The following SLC16A14 variants were observed in gnomAD, a reference collection of about 807,000 sequenced individuals.
The protein encoded by SLC16A14 is monocarboxylate transporter 14.
Under a neutral mutation model 35.8 loss-of-function variants are expected in SLC16A14, and 14 were observed. The ratio of observed to expected loss-of-function variants is 0.39; its 90% CI spans 0.26 to 0.61. SLC16A14 has a LOEUF of 0.61. Ranked by LOEUF, SLC16A14 falls within the 20% of genes least tolerant of loss-of-function variation. The pLI is 0.51. For missense variants in SLC16A14, 533 were observed against 655.0 expected (o/e 0.81, Z 2.03); for synonymous variants, 248 against 258.9 (o/e 0.96, Z 0.40).
chr2:230,057,489 C>A lies in SLC16A14; in HGVS notation c.259+1605G>T, dbSNP rs992486966. Among the ~76,000 whole-genome samples, 8 of 152,160 alleles carry A rather than the reference C, an allele frequency of 5.3e-5. No individual in the cohort carries two copies. The East Asian group carries it at 1.5e-3, about 29-fold the overall frequency. On this transcript the variant is annotated intron_variant, in intron 2 of 4. Coordinates refer to ENST00000295190, the MANE Select transcript of SLC16A14 (RefSeq NM_152527.5). ...AATTTTTTAAAAAAAGAAAATGCAG[C>A]CAGATGCAGTGGCTCAGGCCTGTAA... is the stretch of plus-strand genomic sequence containing the variant.
chr2:230,067,341 T>C (rs2077807183), intron 1 of SLC16A14: 4 of 152,384 alleles, frequency 2.6e-5, no homozygotes, highest in Admixed American at 6.5e-5. Context: ...CTGTGCTTGG[T>C]GGCTTCTCCT....
intron 4 of SLC16A14, among the ~76,000 whole-genome samples, chr2:230,044,531 G>A (rs1224261761): frequency 2.0e-5 from 3 of 151,666 alleles, no homozygotes; most frequent in Non-Finnish European, 4.4e-5. Context: ...AGAGAGAAGT[G>A]GGAAGACGTG....
chr2:230,066,502 G>A (rs2077796442), intron 1 of SLC16A14, among the ~76,000 whole-genome samples: 1 of 152,078 alleles, frequency 6.6e-6, no homozygotes, highest in Non-Finnish European at 1.5e-5. Context: ...AACATATATA[G>A]GCTATGAAAC....
Position 230,035,933 on chromosome 2 carries a change from G to A in SLC16A14, c.*1447C>T, listed in dbSNP as rs576396988. Reference sequence around the variant, plus strand: ...AACTGAAACTGCTGGCTAAAATTACGCTTGGGGTGGCATTGTTTGATTCCA... The same window carrying A: ...AACTGAAACTGCTGGCTAAAATTACACTTGGGGTGGCATTGTTTGATTCCA... On this transcript the variant is annotated 3_prime_UTR_variant, in exon 5 of 5. Coordinates refer to ENST00000295190, the MANE Select transcript of SLC16A14 (RefSeq NM_152527.5). The A allele has an allele frequency of 1.3e-5, 2 of 152,564 alleles. No individual in the cohort carries two copies. Among genetic ancestry groups the A allele is most frequent in the Non-Finnish European group, 1.5e-5 (1 of 68,032 alleles). The allele number at this position is 152,564 out of a possible 1,614,324, so 9.5% of individuals were successfully genotyped here. A position where few individuals can be genotyped will look rare whatever the true frequency, so the allele number is the denominator to read the frequency against.
chr2:230,063,966 C>T (rs192733588), intron 1 of SLC16A14, among the ~76,000 whole-genome samples: 15 of 151,932 alleles, frequency 9.9e-5, no homozygotes, highest in South Asian at 2.1e-4. Flanking sequence ...CATGTGGTGG[C>T]GCATACTTGT....
chr2:230,059,947 T>C (rs1303552380), intron 1 of SLC16A14, among the ~76,000 whole-genome samples: 6 of 152,172 alleles, frequency 3.9e-5, no homozygotes, highest in Admixed American at 3.3e-4. Flanking sequence ...ATAAGTCCAA[T>C]TGATTACAAT....
intron 1 of SLC16A14, among the ~76,000 whole-genome samples, chr2:230,066,391 G>A (rs1220453742): frequency 1.3e-5 from 2 of 152,044 alleles, no homozygotes; most frequent in African/African-American, 4.8e-5. Context: ...TTATGAAGAG[G>A]GTGAAATAAG....
At chr2:230,054,027 G>T (rs1471184872) in intron 2 of SLC16A14, among the ~76,000 whole-genome samples, 1 of 118,450 alleles carries the variant, frequency 8.4e-6, no homozygotes, top group African/African-American at 3.3e-5. Flanking sequence ...CAGTGGTGTT[G>T]CTTAGGAGCT....
At chr2:230,059,030 C>G in intron 2 of SLC16A14, 64 bp downstream of exon 2, 2 of 1,514,792 alleles carry the variant, frequency 1.3e-6, no homozygotes, top group Non-Finnish European at 1.8e-6. Context: ...TAAAACATCA[C>G]TTACAGTGGG....
chr2:230,067,567 TCTCTCACA>T (rs1391014615), intron 1 of SLC16A14, among the ~76,000 whole-genome samples: 22 of 110,664 alleles, frequency 2.0e-4, no homozygotes, highest in African/African-American at 7.1e-4. Context: ...TCTCTCTCTC[TCTCTCACA>T]CACACACACA....
chr2:230,045,570 AAG>A, intron 4 of SLC16A14, 173 bp downstream of exon 4: 1 of 764,538 alleles, frequency 1.3e-6, no homozygotes, highest in Non-Finnish European at 2.1e-6. Context: ...GAAAAAAAAA[AAG>A]AAAGAATAGG....
At chr2:230,044,025 C>T (rs535252744) in intron 4 of SLC16A14, among the ~76,000 whole-genome samples, 1 of 152,176 alleles carries the variant, frequency 6.6e-6, no homozygotes, top group African/African-American at 2.4e-5. Context: ...GCTCCCACCC[C>T]CCAAAACACC....
At position 230,048,691 on chromosome 2, in the gene SLC16A14, A is replaced by G. The variant is rs568059526; in HGVS notation, c.403+1070T>C. Among the ~76,000 whole-genome samples the G allele has an allele frequency of 1.7e-3, 259 of 152,270 alleles. 2 individuals are homozygous for G. The highest frequency in any genetic ancestry group is 5.9e-3 in the African/African-American group (247 of 41,560). On this transcript the variant is annotated intron_variant, in intron 3 of 4. Coordinates refer to ENST00000295190, the MANE Select transcript of SLC16A14 (RefSeq NM_152527.5). ...GTAATCCCAGCACTTTGGGAGGCTAAGGCAGGTGGATCACCTGAGGTTGGG... is the reference window on the plus strand; with the variant it reads ...GTAATCCCAGCACTTTGGGAGGCTAGGGCAGGTGGATCACCTGAGGTTGGG...
Position 230,036,707 on chromosome 2 carries a change from A to C in SLC16A14, c.*673T>G, listed in dbSNP as rs2077522138. 2 of 152,242 alleles carry C rather than the reference A, an allele frequency of 1.3e-5. No individual in the cohort carries two copies. Among genetic ancestry groups the C allele is most frequent in the Admixed American group, 1.3e-4 (2 of 15,282 alleles). The allele number at this position is 152,242 out of a possible 1,614,324, so 9.4% of individuals were successfully genotyped here. On this transcript the variant is annotated 3_prime_UTR_variant, in exon 5 of 5. Coordinates refer to ENST00000295190, the MANE Select transcript of SLC16A14 (RefSeq NM_152527.5). ...ATTTCTTTGTTAAGGTTTTGTCTCA[A>C]GATTCCATTTATAACTGGATAGCAC...
chr2:230,064,156 G>A (rs1014476856), intron 1 of SLC16A14, among the ~76,000 whole-genome samples: 3 of 151,346 alleles, frequency 2.0e-5, no homozygotes, highest in Non-Finnish European at 4.4e-5. Context: ...GAAAATAAAA[G>A]CTACCTTTAA....
intron 1 of SLC16A14, among the ~76,000 whole-genome samples, chr2:230,065,027 A>T (rs62193029): frequency 0.068 from 10,404 of 152,220 alleles, 437 homozygotes; most frequent in Middle Eastern, 0.099. Context: ...AACAAACAAC[A>T]ACAGGAAAAA....
At chr2:230,062,577 C>T (rs1413211037) in intron 1 of SLC16A14, among the ~76,000 whole-genome samples, 2 of 152,000 alleles carry the variant, frequency 1.3e-5, no homozygotes. Flanking sequence ...TCAAGCAAGC[C>T]TCCTGCTTTG....
At chr2:230,067,232 G>C (rs79956679) in intron 1 of SLC16A14, 2,657 of 154,394 alleles carry the variant, frequency 0.017, 74 homozygotes, top group African/African-American at 0.061. Flanking sequence ...GCGGAGCTGA[G>C]CTGAGCTGGT....
In SLC16A14 at chr2:230,046,725, G is replaced by A. The variant is rs753217956; in HGVS notation, c.404-3C>T. The A allele has an allele frequency of 6.3e-7, 1 of 1,589,888 alleles. No individual in the cohort carries two copies. Among genetic ancestry groups the A allele is most frequent in the Non-Finnish European group, 8.5e-7 (1 of 1,173,700 alleles). On this transcript the variant is annotated splice_region_variant and splice_polypyrimidine_tract_variant and intron_variant, in intron 3 of 4. Coordinates refer to ENST00000295190, the MANE Select transcript of SLC16A14 (RefSeq NM_152527.5). This position sits in a 1 kb window ranked among gnomAD's most constrained non-coding sequence, Gnocchi z 5.0. Reference sequence around the variant, plus strand: ...GTAGGCCATCCCGCTGCCCAGGCCTGTACAGGCCGACGGGGGGAAGAAAAG... The same window carrying A: ...GTAGGCCATCCCGCTGCCCAGGCCTATACAGGCCGACGGGGGGAAGAAAAG...
Sources: allele counts gnomAD v4.1 joint callset (sites outside exome capture counted in the v4.1 genomes callset), GRCh38; gene constraint gnomAD v4.1.1; non-coding constraint Gnocchi (gnomAD v3.1); transcripts MANE v1.5; gene names NCBI Gene and HGNC (gene_info 2026-07-23, HGNC 2026-07-21).